KANSL3: variants seen among roughly 807,000 people sequenced by gnomAD.
KANSL3 encodes the protein KAT8 regulatory NSL complex subunit 3.
A neutral mutation model predicts 89.2 loss-of-function variants in KANSL3; 16 were observed. The observed-to-expected ratio is 0.18, with a 90% CI of 0.12 to 0.27. The LOEUF is 0.27. Ranked by LOEUF, KANSL3 falls within the 10% of genes least tolerant of loss-of-function variation. The pLI is 1.00. For synonymous variants in KANSL3, 385 were observed against 419.7 expected, an observed-to-expected ratio of 0.92 and a Z score of 1.01; for missense variants, 879 against 1,110.6, an observed-to-expected ratio of 0.79 and a Z score of 2.96.
At chr2:96,629,304 T>C (rs1293215254) in intron 3 of KANSL3, among the ~76,000 whole-genome samples, 1 of 152,178 alleles carries the variant, frequency 6.6e-6, no homozygotes, top group East Asian at 1.9e-4. Flanking sequence ...TTTTCTTCTT[T>C]ATCTGAAGCT....
rs562253792 is a variant in KANSL3, at chr2:96,601,947, T to C, written c.2482+169A>G. On this transcript the variant is annotated intron_variant, in intron 19 of 20. Transcript: ENST00000431828. ...CTGAAAGGCAACAGGAAACAGCCTG[T>C]GTTCTCTCAACCTCTCTGGGGGATG... 3,663 of 1,232,704 alleles carry C rather than the reference T, an allele frequency of 3.0e-3. 8 individuals are homozygous for C. Among genetic ancestry groups the C allele is most frequent in the Non-Finnish European group, 3.6e-3 (3,249 of 907,876 alleles). The allele number at this position is 1,232,704 out of a possible 1,614,324, so 76.4% of individuals were successfully genotyped here. A position where few individuals can be genotyped will look rare whatever the true frequency, so the allele number is the denominator to read the frequency against.
chr2:96,606,892 G>A, intron 14 of KANSL3: 1 of 751,524 alleles, frequency 1.3e-6, no homozygotes, highest in Non-Finnish European at 2.0e-6. Flanking sequence ...AGGCAGATGA[G>A]AGGCAGAGAT....
At chr2:96,587,588 T>C in the KANSL3 span, among the ~76,000 whole-genome samples, 4 of 152,190 alleles carry the variant, frequency 2.6e-5, no homozygotes, top group African/African-American at 9.7e-5. Flanking sequence ...GTTTCATAGA[T>C]AACACTCAAA....
chr2:96,625,164 C>T (rs1468806941), intron 3 of KANSL3, among the ~76,000 whole-genome samples: 1 of 152,094 alleles, frequency 6.6e-6, no homozygotes, highest in Non-Finnish European at 1.5e-5. Flanking sequence ...TAGCTGGGAT[C>T]GCCCCACTGT....
chr2:96,620,509 T>A (rs1257310082), intron 3 of KANSL3, among the ~76,000 whole-genome samples: 1 of 152,268 alleles, frequency 6.6e-6, no homozygotes, highest in East Asian at 1.9e-4. Flanking sequence ...CAGACATCTA[T>A]CCTACTGTTC....
At chr2:96,581,065 T>C in the KANSL3 span, among the ~76,000 whole-genome samples, 1 of 152,218 alleles carries the variant, frequency 6.6e-6, no homozygotes, top group Non-Finnish European at 1.5e-5. Flanking sequence ...GTCCCTCCTC[T>C]GGGAATTGAG....
At position 96,601,673 on chromosome 2, in the gene KANSL3, G is replaced by A. The variant is rs780822923; in HGVS notation, c.2586C>T (p.Ser862=). The part of the protein sequence containing the change: ...MGSGAAPSEE[S]SSQVLPSSSQ... ...AGCTGGAGGGCAGCACCTGGGAAGA[G>A]GACTCCTCGGATGGGGCTGCTCCTG... Residue 862 remains serine (S), a synonymous_variant, in exon 20 of 21, where the codon TCC becomes TCT. Coordinates refer to ENST00000431828, the MANE Select transcript of KANSL3 (RefSeq NM_001115016.3). 1 of 1,613,574 alleles carries A rather than the reference G, an allele frequency of 6.2e-7. No individual in the cohort carries two copies. Among genetic ancestry groups the A allele is most frequent in the Non-Finnish European group, 8.5e-7 (1 of 1,179,704 alleles).
At position 96,637,017 on chromosome 2, in the gene KANSL3, C is replaced by G; in HGVS notation, c.119G>C (p.Ser40Thr). The G allele has an allele frequency of 6.4e-7, 1 of 1,551,624 alleles. No homozygotes were observed. Among genetic ancestry groups the G allele is most frequent in the East Asian group, 2.4e-5 (1 of 40,910 alleles). The change falls in exon 2 of 21, where the codon AGC (serine) becomes ACC (threonine). Residue 40 changes from serine to threonine, a missense_variant. Transcript: ENST00000431828. ...RELDLVFLDH[S>T]YAKPWSAHPD... ...GTGGGCACTCCAAGGCTTGGCATAG[C>G]TATGATCCAGAAAAACCAGGTCCAG...
chr2:96,623,782 T>A (rs2071766889), intron 3 of KANSL3, among the ~76,000 whole-genome samples: 1 of 152,106 alleles, frequency 6.6e-6, no homozygotes, highest in East Asian at 1.9e-4. Flanking sequence ...TAAAAAAAAA[T>A]TCAGGTTAGC....
In KANSL3 at chr2:96,612,367, G is replaced by C. The variant is rs1272683538; in HGVS notation, c.1015-14C>G. Reference sequence around the variant, plus strand: ...ATGGCTGTGAATCTTCATGGGAAGAGAAAGAAGACAGTAAGACAGGAGGCC... The same window carrying C: ...ATGGCTGTGAATCTTCATGGGAAGACAAAGAAGACAGTAAGACAGGAGGCC... On this transcript the variant is annotated splice_polypyrimidine_tract_variant and intron_variant, in intron 8 of 20. Coordinates refer to ENST00000431828, the MANE Select transcript of KANSL3 (RefSeq NM_001115016.3). 1.2e-6 allele frequency: 2 copies of C among 1,612,296 alleles called. No individual in the cohort carries two copies. The highest frequency in any genetic ancestry group is 2.7e-5 in the African/African-American group (2 of 74,868).
chr2:96,622,113 CAAAAAA>C (rs113914476), intron 3 of KANSL3, among the ~76,000 whole-genome samples: 36,559 of 130,614 alleles, frequency 0.28, 5,881 homozygotes, highest in South Asian at 0.68. Context: ...GACTCCAGCT[CAAAAAA>C]AAAAAAAAAA....
At position 96,621,854 on chromosome 2, in the gene KANSL3, G is replaced by A. The variant is rs140521368; in HGVS notation, c.387-2092C>T. ...AAACAGGCTGGGCGTGGTGGCTCAC[G>A]CCTGTAATCCCTGCACTTCAGGAGG... On this transcript the variant is annotated intron_variant, in intron 3 of 20. Coordinates refer to ENST00000431828, the MANE Select transcript of KANSL3 (RefSeq NM_001115016.3). Among the ~76,000 whole-genome samples, 82 of 152,266 alleles carry A rather than the reference G, an allele frequency of 5.4e-4. 1 individual carries two copies. In the East Asian group the frequency reaches 7.5e-3, roughly 14 times the overall value.
intron 14 of KANSL3, among the ~76,000 whole-genome samples, chr2:96,608,253 T>TGA (rs1185645790): frequency 5.3e-5 from 8 of 152,104 alleles, no homozygotes; most frequent in African/African-American, 1.9e-4. Context: ...TAGGCCAATA[T>TGA]ACATGTTCAT....
At chr2:96,608,410 C>T (rs891033597) in intron 14 of KANSL3, 98 bp downstream of exon 14, 24 of 1,230,758 alleles carry the variant, frequency 2.0e-5, no homozygotes, top group African/African-American at 7.5e-5. Flanking sequence ...TCTCACATCC[C>T]CCTGAAAAAA....
At chr2:96,612,735 A>T in intron 7 of KANSL3, 83 bp downstream of exon 7, 1 of 1,216,746 alleles carries the variant, frequency 8.2e-7, no homozygotes, top group South Asian at 1.3e-5. Flanking sequence ...ACCCATTTTG[A>T]CCTCCTCCCA....
intron 20 of KANSL3, chr2:96,598,250 T>A (rs1036419741): frequency 1.6e-5 from 7 of 431,416 alleles, no homozygotes; most frequent in Non-Finnish European, 2.2e-5. Context: ...TTTTAGAGTA[T>A]GAGAGGGGAA....
chr2:96,607,039 C>T, intron 14 of KANSL3: 1 of 1,288,968 alleles, frequency 7.8e-7, no homozygotes, highest in Non-Finnish European at 1.0e-6. Flanking sequence ...AGAAAAGCAG[C>T]AAACTGTGCT....
In KANSL3 at chr2:96,595,651, G is replaced by A. The variant is rs1234085523; in HGVS notation, c.2617-20C>T. ...CAGGCGCTGTGGCAGGAGAGGTAGTGAAGAAGGGTCAAAGCTTTGACAGGT... is the reference window on the plus strand; with the variant it reads ...CAGGCGCTGTGGCAGGAGAGGTAGTAAAGAAGGGTCAAAGCTTTGACAGGT... On this transcript the variant is annotated intron_variant, in intron 20 of 20. Transcript: ENST00000431828. 6.2e-7 allele frequency: 1 copy of A among 1,613,452 alleles called. No homozygotes were observed. The highest frequency in any genetic ancestry group is 2.2e-5 in the East Asian group (1 of 44,880).
At chr2:96,636,859 T>C in intron 2 of KANSL3, 62 bp downstream of exon 2, 1 of 1,339,828 alleles carries the variant, frequency 7.5e-7, no homozygotes, top group Non-Finnish European at 1.0e-6. Flanking sequence ...AAATCCTCTC[T>C]AAATTCCCAT....
Sources: gnomAD v4.1 joint callset for allele counts (sites outside exome capture counted in the v4.1 genomes callset) on GRCh38, gnomAD v4.1.1 for gene constraint, MANE v1.5 for transcripts, NCBI Gene and HGNC (gene_info 2026-07-23, HGNC 2026-07-21) for gene names.